Variants in KCNK9 observed in about 807,000 individuals in gnomAD.
KCNK9 encodes the protein potassium channel subfamily K member 9.
Under a neutral mutation model 10.8 loss-of-function variants are expected in KCNK9, and 1 was observed. The observed-to-expected ratio is 0.09, with a 90% CI of 0.03 to 0.44. KCNK9 has a LOEUF of 0.44. KCNK9 is among the 20% of genes least tolerant of loss of function. KCNK9 has a pLI of 0.97. For synonymous variants in KCNK9, 231 were observed against 222.7 expected, an observed-to-expected ratio of 1.04 and a Z score of -0.33; for missense variants, 303 against 515.0, an observed-to-expected ratio of 0.59 and a Z score of 3.98.
At chr8:139,614,750 G>A (rs541795142), downstream of KCNK9, among the ~76,000 whole-genome samples, 2 of 152,354 alleles carry the variant, frequency 1.3e-5, no homozygotes, top group Admixed American at 6.5e-5. Flanking sequence ...TCTCTAGCAA[G>A]TGTTGCCCCC....
At chr8:139,664,056 G>A (rs149504687) in intron 1 of KCNK9, among the ~76,000 whole-genome samples, 227 of 152,266 alleles carry the variant, frequency 1.5e-3, no homozygotes, top group African/African-American at 5.0e-3. Flanking sequence ...AGCAGGGACC[G>A]ATCAAGCCGC....
chr8:139,700,682 C>T (rs1817198060), intron 1 of KCNK9, among the ~76,000 whole-genome samples: 1 of 152,160 alleles, frequency 6.6e-6, no homozygotes, highest in Non-Finnish European at 1.5e-5. Flanking sequence ...TCCCACAGCC[C>T]CTGAGGCGAA....
At chr8:139,656,812 C>T (rs1365128953) in intron 1 of KCNK9, among the ~76,000 whole-genome samples, 1 of 152,186 alleles carries the variant, frequency 6.6e-6, no homozygotes, top group South Asian at 2.1e-4. Context: ...CTCAGGGCCT[C>T]CCTGGAGCCA....
chr8:139,696,370 T>C (rs923433848), intron 1 of KCNK9, among the ~76,000 whole-genome samples: 6 of 152,148 alleles, frequency 3.9e-5, no homozygotes, highest in Non-Finnish European at 8.8e-5. Flanking sequence ...TATAAGAACG[T>C]TATACTTAAA....
chr8:139,687,442 ATG>A (rs1323307958), intron 1 of KCNK9, among the ~76,000 whole-genome samples: 2 of 144,094 alleles, frequency 1.4e-5, no homozygotes, highest in African/African-American at 5.1e-5. Flanking sequence ...ATTCATATAT[ATG>A]TATACACATA....
intron 1 of KCNK9, among the ~76,000 whole-genome samples, chr8:139,647,443 G>A (rs184867242): frequency 1.3e-5 from 2 of 152,294 alleles, no homozygotes; most frequent in East Asian, 3.9e-4. Flanking sequence ...CATGTGGGAG[G>A]GGGCAGGGCG....
At chr8:139,637,760 T>TACACACACACAC (rs34018499) in intron 1 of KCNK9, among the ~76,000 whole-genome samples, 143 of 146,210 alleles carry the variant, frequency 9.8e-4, no homozygotes, top group Middle Eastern at 7.0e-3. Flanking sequence ...ATTCCTACTC[T>TACACACACACAC]ACACACACAC....
At chr8:139,666,396 A>G (rs530648015) in intron 1 of KCNK9, among the ~76,000 whole-genome samples, 1 of 152,366 alleles carries the variant, frequency 6.6e-6, no homozygotes, top group East Asian at 1.9e-4. Context: ...AAGTGCTAAT[A>G]TAAATACCTA....
At chr8:139,697,939 C>T (rs151093635) in intron 1 of KCNK9, among the ~76,000 whole-genome samples, 2 of 152,246 alleles carry the variant, frequency 1.3e-5, no homozygotes, top group East Asian at 3.9e-4. Context: ...CCCAGCATGG[C>T]CAGCTACCCT....
At chr8:139,687,370 G>A (rs1199529075) in intron 1 of KCNK9, among the ~76,000 whole-genome samples, 4 of 138,138 alleles carry the variant, frequency 2.9e-5, no homozygotes, top group African/African-American at 5.3e-5. Flanking sequence ...ATATATATGT[G>A]TATACATATA....
intron 1 of KCNK9, among the ~76,000 whole-genome samples, chr8:139,663,709 G>T (rs1457042918): frequency 6.6e-6 from 1 of 151,572 alleles, no homozygotes; most frequent in African/African-American, 2.4e-5. Context: ...GAGAGAGAAG[G>T]TGCTTTTGTG....
At chr8:139,643,184 G>A (rs887343297) in intron 1 of KCNK9, among the ~76,000 whole-genome samples, 1 of 152,164 alleles carries the variant, frequency 6.6e-6, no homozygotes, top group Non-Finnish European at 1.5e-5. Flanking sequence ...CCACAAAGCA[G>A]GGGCTGCACA....
At chr8:139,610,422 T>C (rs191006431), downstream of KCNK9, among the ~76,000 whole-genome samples, 4 of 152,368 alleles carry the variant, frequency 2.6e-5, no homozygotes, top group East Asian at 7.7e-4. Context: ...GCTTAAGAAT[T>C]TCTTTTATAC....
intron 2 of KCNK9, among the ~76,000 whole-genome samples, chr8:139,604,766 G>A (rs1389335443): frequency 1.3e-5 from 2 of 152,162 alleles, no homozygotes; most frequent in African/African-American, 4.8e-5. Flanking sequence ...ATGAGCCCTG[G>A]GTAGGCCCTG....
chr8:139,700,562 AC>A (rs1348919883), intron 1 of KCNK9, among the ~76,000 whole-genome samples: 1 of 151,628 alleles, frequency 6.6e-6, no homozygotes, highest in Non-Finnish European at 1.5e-5. Context: ...ACACACACAC[AC>A]ATTTTTTTCC....
intron 1 of KCNK9, among the ~76,000 whole-genome samples, chr8:139,686,883 T>C (rs1418573161): frequency 6.6e-6 from 1 of 152,082 alleles, no homozygotes; most frequent in Non-Finnish European, 1.5e-5. Context: ...GAGACACCTA[T>C]GGGATGCAGC....
chr8:139,635,159 C>A (rs558478776), intron 1 of KCNK9, among the ~76,000 whole-genome samples: 40 of 152,356 alleles, frequency 2.6e-4, no homozygotes, highest in Admixed American at 1.4e-3. Context: ...AGCTCCACAT[C>A]AAAAATTGTT....
chr8:139,685,102 T>C (rs914378567), intron 1 of KCNK9, among the ~76,000 whole-genome samples: 2 of 108,778 alleles, frequency 1.8e-5, no homozygotes, highest in Admixed American at 1.0e-4. Flanking sequence ...TAGAACTTTA[T>C]ACACAAAAAA....
chr8:139,653,854 C>T (rs930333761), intron 1 of KCNK9, among the ~76,000 whole-genome samples: 1 of 152,264 alleles, frequency 6.6e-6, no homozygotes, highest in Non-Finnish European at 1.5e-5. Context: ...GGGCAACACC[C>T]TCCCAGGAAT....
Sources: gnomAD v4.1 joint callset for allele counts (sites outside exome capture counted in the v4.1 genomes callset) on GRCh38, gnomAD v4.1.1 for gene constraint, MANE v1.5 for transcripts, NCBI Gene and HGNC (gene_info 2026-07-23, HGNC 2026-07-21) for gene names.